Variants in UBE2H observed in about 807,000 individuals in gnomAD.
UBE2H encodes ubiquitin conjugating enzyme E2 H.
A neutral mutation model predicts 29.0 loss-of-function variants in UBE2H; 3 were observed. The ratio of observed to expected loss-of-function variants is 0.10; its 90% CI spans 0.05 to 0.27. The LOEUF is 0.27. Ranked by LOEUF, UBE2H falls within the 10% of genes least tolerant of loss-of-function variation. UBE2H has a pLI of 1.00. For synonymous variants in UBE2H, 69 were observed against 82.9 expected, an observed-to-expected ratio of 0.83 and a Z score of 0.91; for missense variants, 68 against 228.2, an observed-to-expected ratio of 0.30 and a Z score of 4.52.
chr7:129,932,816 A>G (rs761843655), intron 1 of UBE2H, among the ~76,000 whole-genome samples: 8 of 84,268 alleles, frequency 9.5e-5, no homozygotes, highest in South Asian at 2.8e-4. Flanking sequence ...AGAACTGTCT[A>G]TCTACATCAG....
At chr7:129,902,865 C>T (rs994316777) in intron 1 of UBE2H, among the ~76,000 whole-genome samples, 1 of 152,236 alleles carries the variant, frequency 6.6e-6, no homozygotes, top group African/African-American at 2.4e-5. Flanking sequence ...TACCAAGCCT[C>T]TATCAAGAGG....
intron 1 of UBE2H, among the ~76,000 whole-genome samples, chr7:129,919,743 T>C (rs918306365): frequency 3.9e-5 from 6 of 152,188 alleles, no homozygotes; most frequent in Non-Finnish European, 8.8e-5. Flanking sequence ...CTCCCTAGAA[T>C]AGGAAAGCCA....
chr7:129,854,359 C>T (rs1281002784), intron 5 of UBE2H, among the ~76,000 whole-genome samples: 3 of 152,178 alleles, frequency 2.0e-5, no homozygotes, highest in Admixed American at 2.0e-4. Context: ...GAATTTTCTT[C>T]AGAAATAGTT....
intron 1 of UBE2H, among the ~76,000 whole-genome samples, chr7:129,930,286 G>A (rs1020076468): frequency 1.3e-4 from 20 of 151,878 alleles, no homozygotes; most frequent in East Asian, 3.9e-4. Flanking sequence ...CTCAGCCTCC[G>A]GAGTAGCTGG....
intron 5 of UBE2H, among the ~76,000 whole-genome samples, chr7:129,854,630 CT>C (rs1805672592): frequency 6.6e-6 from 1 of 152,218 alleles, no homozygotes; most frequent in Non-Finnish European, 1.5e-5. Context: ...GTGATGAAAA[CT>C]TACTCATGTT....
intron 5 of UBE2H, among the ~76,000 whole-genome samples, chr7:129,848,836 CTT>C (rs34279042): frequency 2.9e-4 from 37 of 128,708 alleles, no homozygotes; most frequent in African/African-American, 8.9e-4. Context: ...AACCAGGTAG[CTT>C]TTTTTTTTTT....
At chr7:129,938,785 GTTTTTGTT>G (rs1325835456) in intron 1 of UBE2H, among the ~76,000 whole-genome samples, 3 of 151,230 alleles carry the variant, frequency 2.0e-5, no homozygotes, top group East Asian at 1.9e-4. Flanking sequence ...TTAGTTTGAT[GTTTTTGTT>G]TTTTTGTTTT....
At chr7:129,929,867 G>A (rs927062885) in intron 1 of UBE2H, among the ~76,000 whole-genome samples, 3 of 152,106 alleles carry the variant, frequency 2.0e-5, no homozygotes, top group Non-Finnish European at 4.4e-5. Context: ...AAATTAGCCA[G>A]GTGTGGTGGC....
At chr7:129,908,800 T>C (rs1311532109) in intron 1 of UBE2H, among the ~76,000 whole-genome samples, 1 of 152,144 alleles carries the variant, frequency 6.6e-6, no homozygotes, top group Non-Finnish European at 1.5e-5. Context: ...GACTGCCTGC[T>C]CCTGGGTTTC....
intron 1 of UBE2H, among the ~76,000 whole-genome samples, chr7:129,930,230 C>T (rs1236880222): frequency 6.6e-6 from 1 of 152,034 alleles, no homozygotes; most frequent in Non-Finnish European, 1.5e-5. Flanking sequence ...GGCACGATCT[C>T]GGCTCACTGC....
chr7:129,865,309 G>A (rs1367950593), intron 3 of UBE2H, among the ~76,000 whole-genome samples: 1 of 152,130 alleles, frequency 6.6e-6, no homozygotes, highest in African/African-American at 2.4e-5. Flanking sequence ...GTCCCAGGAA[G>A]GGGTCTATAC....
chr7:129,841,868 C>A (rs1037509592), intron 5 of UBE2H, among the ~76,000 whole-genome samples: 3 of 152,218 alleles, frequency 2.0e-5, no homozygotes, highest in African/African-American at 7.2e-5. Context: ...AACCCCCAAA[C>A]TATCTGCAGT....
intron 5 of UBE2H, 108 bp from the exon 6 acceptor site, chr7:129,839,443 G>A (rs1302601625): frequency 1.4e-6 from 2 of 1,475,494 alleles, no homozygotes; most frequent in East Asian, 4.9e-5. Context: ...ACACGGGGAT[G>A]ATTCTCCATA....
At chr7:129,879,752 T>G in intron 2 of UBE2H, 110 bp from the exon 3 acceptor site, 3 of 981,700 alleles carry the variant, frequency 3.1e-6, no homozygotes, top group Non-Finnish European at 4.6e-6. Context: ...TCCAAATTAA[T>G]TCCTTCAAGA....
At chr7:129,894,942 C>T (rs1328420347) in intron 1 of UBE2H, among the ~76,000 whole-genome samples, 1 of 152,146 alleles carries the variant, frequency 6.6e-6, no homozygotes, top group African/African-American at 2.4e-5. Flanking sequence ...TAAAGTCCTG[C>T]AAGATTCTCA....
intron 1 of UBE2H, among the ~76,000 whole-genome samples, chr7:129,896,416 T>C (rs1584772459): frequency 1.3e-5 from 2 of 152,126 alleles, no homozygotes; most frequent in African/African-American, 2.4e-5. Context: ...TACTGATTGA[T>C]TGAAACAGGG....
chr7:129,921,694 C>CA (rs1047164274), intron 1 of UBE2H, among the ~76,000 whole-genome samples: 15,753 of 68,588 alleles, frequency 0.23, 1,462 homozygotes, highest in South Asian at 0.3. Flanking sequence ...GACTCTGTCA[C>CA]AAAAAAAAAA....
intron 3 of UBE2H, among the ~76,000 whole-genome samples, chr7:129,874,311 A>ATT (rs200046665): frequency 4.3e-5 from 6 of 140,600 alleles, no homozygotes; most frequent in African/African-American, 7.7e-5. Context: ...TATATATATA[A>ATT]TTTTTTTTTT....
intron 1 of UBE2H, among the ~76,000 whole-genome samples, chr7:129,915,987 T>C (rs1039074534): frequency 6.6e-5 from 10 of 152,254 alleles, no homozygotes; most frequent in African/African-American, 2.4e-4. Flanking sequence ...AGCTAAAATG[T>C]ACATTTCATA....
Sources: gnomAD v4.1 joint callset for allele counts (sites outside exome capture counted in the v4.1 genomes callset) on GRCh38, gnomAD v4.1.1 for gene constraint, MANE v1.5 for transcripts, NCBI Gene and HGNC (gene_info 2026-07-23, HGNC 2026-07-21) for gene names.